The following SPOCK1 variants were observed in gnomAD, a reference collection of about 807,000 sequenced individuals.
The protein encoded by SPOCK1 is testican-1.
In SPOCK1, 23 loss-of-function variants were observed where a neutral mutation model predicts 55.3. The ratio of observed to expected loss-of-function variants is 0.42; its 90% confidence interval spans 0.30 to 0.59. SPOCK1 has a LOEUF of 0.59. SPOCK1 is among the 20% of genes least tolerant of loss of function. The probability of loss-of-function intolerance (pLI) is 0.22; values close to 1 mark genes in which losing one functional copy is unlikely to be tolerated. For synonymous variants in SPOCK1, 226 were observed against 221.0 expected (o/e 1.02, Z -0.20); for missense variants, 499 against 552.5 (o/e 0.90, Z 0.97).
chr5:136,984,288 C>G (rs1452209239), intron 9 of SPOCK1, among the ~76,000 whole-genome samples: 1 of 152,124 alleles, frequency 6.6e-6, no homozygotes, highest in East Asian at 1.9e-4. Context: ...GAAAACTTGC[C>G]CATTTCCTTC....
intron 9 of SPOCK1, among the ~76,000 whole-genome samples, chr5:136,982,325 T>G (rs755028733): frequency 1.3e-5 from 2 of 152,232 alleles, no homozygotes; most frequent in Non-Finnish European, 2.9e-5. Context: ...TAATTTCAAC[T>G]TTCTGTGGAA....
chr5:137,176,414 C>T (rs1754852568), intron 3 of SPOCK1, among the ~76,000 whole-genome samples: 2 of 151,960 alleles, frequency 1.3e-5, no homozygotes, highest in South Asian at 4.2e-4. Context: ...GATATTTAGA[C>T]CTTGCTAAAA....
chr5:137,341,603 TACTC>T (rs578017464), intron 2 of SPOCK1, among the ~76,000 whole-genome samples: 2 of 152,254 alleles, frequency 1.3e-5, no homozygotes, highest in Non-Finnish European at 2.9e-5. Context: ...AAAATTATCT[TACTC>T]ACTCATTTGT....
chr5:137,098,118 GAATTT>G (rs1339449795), intron 5 of SPOCK1, among the ~76,000 whole-genome samples: 1 of 152,216 alleles, frequency 6.6e-6, no homozygotes, highest in Admixed American at 6.5e-5. Context: ...ACTGTTCGAT[GAATTT>G]AATATGTAAT....
chr5:137,146,811 A>G (rs1052623391), intron 3 of SPOCK1, among the ~76,000 whole-genome samples: 1 of 152,194 alleles, frequency 6.6e-6, no homozygotes, highest in Non-Finnish European at 1.5e-5. Flanking sequence ...GGGCTGGCCA[A>G]GTTCTCCGAG....
At chr5:137,430,695 C>T (rs748171967) in intron 2 of SPOCK1, among the ~76,000 whole-genome samples, 1 of 152,140 alleles carries the variant, frequency 6.6e-6, no homozygotes, top group African/African-American at 2.4e-5. Context: ...AGTTAAAATG[C>T]GGCAGAGGAA....
chr5:137,483,279 G>A (rs1282506049), intron 2 of SPOCK1, among the ~76,000 whole-genome samples: 3 of 152,202 alleles, frequency 2.0e-5, no homozygotes, highest in African/African-American at 7.2e-5. Context: ...GTTGCAGTGA[G>A]CCAAGATCAC....
At chr5:137,060,748 T>C (rs562417445) in intron 6 of SPOCK1, among the ~76,000 whole-genome samples, 1 of 152,336 alleles carries the variant, frequency 6.6e-6, no homozygotes, top group African/African-American at 2.4e-5. Flanking sequence ...CGACCGCAGC[T>C]ACCCTTTGCC....
rs575680258 is a variant in SPOCK1 at position 137,227,433 on chromosome 5, T to C, written c.232+39577A>G. On this transcript the variant is annotated intron_variant, in intron 3 of 10. Coordinates refer to ENST00000394945, the MANE Select transcript of SPOCK1 (RefSeq NM_004598.4). ...TGAAAGCAAGAGCAGAATTGGTCAC[T>C]GACTTAGGATTTAAAGTACATCATC... 2.6e-5 allele frequency among the ~76,000 whole-genome samples: 4 copies of C among 152,354 alleles called. No homozygotes were observed. In the East Asian group the frequency reaches 7.7e-4, roughly 29 times the overall value.
chr5:137,306,778 T>G (rs1757707965), intron 2 of SPOCK1, among the ~76,000 whole-genome samples: 1 of 152,214 alleles, frequency 6.6e-6, no homozygotes, highest in Non-Finnish European at 1.5e-5. Flanking sequence ...TTTGTGATTA[T>G]TTATTTTCTC....
intron 2 of SPOCK1, among the ~76,000 whole-genome samples, chr5:137,395,278 C>T (rs1378825968): frequency 6.6e-6 from 1 of 152,246 alleles, no homozygotes; most frequent in African/African-American, 2.4e-5. Flanking sequence ...ATCAGGAATT[C>T]ATACAAATGT....
At chr5:137,433,873 AT>A (rs1368998866) in intron 2 of SPOCK1, among the ~76,000 whole-genome samples, 5 of 152,066 alleles carry the variant, frequency 3.3e-5, no homozygotes, top group Non-Finnish European at 5.9e-5. Flanking sequence ...GGGGAAAAAA[AT>A]GGACAAGGAG....
intron 2 of SPOCK1, among the ~76,000 whole-genome samples, chr5:137,274,801 G>C (rs148772803): frequency 6.6e-6 from 1 of 152,290 alleles, no homozygotes; most frequent in African/African-American, 2.4e-5. Context: ...AATGAAATTT[G>C]AAAACTTGAG....
intron 2 of SPOCK1, among the ~76,000 whole-genome samples, chr5:137,371,207 A>C (rs947261598): frequency 6.6e-6 from 1 of 152,232 alleles, no homozygotes; most frequent in Non-Finnish European, 1.5e-5. Context: ...CTTGAGAATC[A>C]GACTGACCTA....
intron 3 of SPOCK1, among the ~76,000 whole-genome samples, chr5:137,255,858 T>C (rs1756621290): frequency 6.6e-6 from 1 of 152,230 alleles, no homozygotes; most frequent in Admixed American, 6.5e-5. Flanking sequence ...GGGATTGTCT[T>C]GCCTTGGCAA....
At chr5:137,445,087 C>A (rs1052122414) in intron 2 of SPOCK1, among the ~76,000 whole-genome samples, 1 of 152,178 alleles carries the variant, frequency 6.6e-6, no homozygotes, top group Non-Finnish European at 1.5e-5. Context: ...CATCAGGGCT[C>A]ACATGAGCCA....
At chr5:137,132,021 A>ATATATATATATATAT (rs1561621235) in intron 4 of SPOCK1, among the ~76,000 whole-genome samples, 7 of 68,514 alleles carry the variant, frequency 1.0e-4, no homozygotes, top group Admixed American at 1.8e-4. Flanking sequence ...TATATATATA[A>ATATATATATATATAT]AAAATTAGCT....
chr5:137,397,584 C>G lies in SPOCK1; in HGVS notation c.186+100789G>C, dbSNP rs1426552176. On this transcript the variant is annotated intron_variant, in intron 2 of 10. Coordinates refer to ENST00000394945, the MANE Select transcript of SPOCK1 (RefSeq NM_004598.4). ...ACAACTGTCTCCTTTTCCTTGCCAA[C>G]ACTGGGTCAAATTGTGGACTTTACC... Among the ~76,000 whole-genome samples the G allele has an allele frequency of 2.6e-5, 4 of 152,198 alleles. No homozygotes were observed. The East Asian group carries it at 7.7e-4, about 29-fold the overall frequency.
chr5:137,242,253 T>C (rs970768982), intron 3 of SPOCK1, among the ~76,000 whole-genome samples: 3 of 152,142 alleles, frequency 2.0e-5, no homozygotes, highest in Admixed American at 6.5e-5. Context: ...GTAGCTCCCA[T>C]AATCCCCAGG....
Sources: allele counts gnomAD v4.1 joint callset (sites outside exome capture counted in the v4.1 genomes callset), GRCh38; gene constraint gnomAD v4.1.1; transcripts MANE v1.5; gene names NCBI Gene and HGNC (gene_info 2026-07-23, HGNC 2026-07-21).